SGCZ: variants seen among roughly 807,000 people sequenced by gnomAD.
SGCZ encodes the protein sarcoglycan zeta.
SGCZ carries 40 observed loss-of-function variants against 41.3 expected under a neutral mutation model. The observed-to-expected ratio is 0.97, with a 90% CI of 0.75 to 1.26. SGCZ has a LOEUF of 1.26. SGCZ is among the 50% of genes most tolerant of loss of function. The pLI is 0.00. For missense variants in SGCZ, 552 were observed against 369.8 expected, an observed-to-expected ratio of 1.49 and a Z score of -4.04; for synonymous variants, 206 against 137.5, an observed-to-expected ratio of 1.50 and a Z score of -3.49.
intron 1 of SGCZ, among the ~76,000 whole-genome samples, chr8:14,926,506 T>C (rs1267848931): frequency 6.6e-6 from 1 of 152,138 alleles, no homozygotes; most frequent in Non-Finnish European, 1.5e-5. Context: ...CTCCTCTTTG[T>C]TCTAAACAAA....
At chr8:14,339,507 A>G (rs967893427) in intron 2 of SGCZ, among the ~76,000 whole-genome samples, 2 of 152,160 alleles carry the variant, frequency 1.3e-5, no homozygotes, top group African/African-American at 4.8e-5. Context: ...AAAATTCAGA[A>G]TCATCGTCAA....
intron 3 of SGCZ, among the ~76,000 whole-genome samples, chr8:14,284,292 C>G (rs1800545535): frequency 6.6e-6 from 1 of 152,140 alleles, no homozygotes; most frequent in Non-Finnish European, 1.5e-5. Context: ...ACTCAGGAGG[C>G]TGAGGTGGGA....
rs78110824 is a variant in SGCZ, at chr8:14,593,357, G to C, written c.40-38431C>G. On this transcript the variant is annotated intron_variant, in intron 1 of 7. Transcript: ENST00000382080. ...ACTTTAGAAGCTGAAAAAGGACATG[G>C]ATTCTCCCCTTGACCCTCCAGCAGA... Among the ~76,000 whole-genome samples, 653 of 152,186 alleles carry C rather than the reference G, an allele frequency of 4.3e-3. 4 individuals are homozygous for C. The highest frequency in any genetic ancestry group is 0.015 in the African/African-American group (630 of 41,536).
chr8:14,947,301 G>T (rs1317624532), intron 1 of SGCZ, among the ~76,000 whole-genome samples: 1 of 152,196 alleles, frequency 6.6e-6, no homozygotes. Context: ...TCTGGATTTG[G>T]TTGGATGGCA....
rs559945580 is a variant in SGCZ at position 14,619,258 on chromosome 8, C to G, written c.40-64332G>C. On this transcript the variant is annotated intron_variant, in intron 1 of 7. Coordinates refer to ENST00000382080, the MANE Select transcript of SGCZ (RefSeq NM_139167.4). The stretch of plus-strand genomic sequence containing the variant: ...TTCAACAACCTTCATGCTAAAAACT[C>G]TCAATAAATTAGGTATTGATGGGAT... Among the ~76,000 whole-genome samples, 9 of 152,134 alleles carry G rather than the reference C, an allele frequency of 5.9e-5. No individual in the cohort carries two copies. The South Asian group carries it at 1.0e-3, about 18-fold the overall frequency.
chr8:14,266,773 T>C (rs1318439912), intron 3 of SGCZ, among the ~76,000 whole-genome samples: 1 of 151,976 alleles, frequency 6.6e-6, no homozygotes, highest in Non-Finnish European at 1.5e-5. Flanking sequence ...AATGCCTAAG[T>C]AGATGAGGTA....
chr8:14,983,479 G>C (rs569455896), intron 1 of SGCZ, among the ~76,000 whole-genome samples: 2 of 151,960 alleles, frequency 1.3e-5, no homozygotes, highest in African/African-American at 2.4e-5. Flanking sequence ...TCCTGGGCTT[G>C]AGTGGTCCTC....
At chr8:14,977,847 C>A (rs1801530192) in intron 1 of SGCZ, among the ~76,000 whole-genome samples, 1 of 151,302 alleles carries the variant, frequency 6.6e-6, no homozygotes, top group African/African-American at 2.4e-5. Flanking sequence ...ATATCATGAA[C>A]TAGTTATCAG....
chr8:14,295,416 A>ATAT (rs1186917220), intron 3 of SGCZ, among the ~76,000 whole-genome samples: 1 of 152,164 alleles, frequency 6.6e-6, no homozygotes, highest in African/African-American at 2.4e-5. Flanking sequence ...AAGTAATGGT[A>ATAT]CATCAATGTC....
At chr8:15,173,783 A>G (rs1318446235) in intron 1 of SGCZ, among the ~76,000 whole-genome samples, 1 of 152,170 alleles carries the variant, frequency 6.6e-6, no homozygotes, top group South Asian at 2.1e-4. Flanking sequence ...GACACCACCC[A>G]GGCTGAAATG....
intron 4 of SGCZ, among the ~76,000 whole-genome samples, 180 bp downstream of exon 4, chr8:14,237,412 G>C (rs1229612017): frequency 2.6e-5 from 4 of 151,862 alleles, no homozygotes; most frequent in African/African-American, 9.7e-5. Flanking sequence ...CCGATTGCTT[G>C]ACCTCGTGAT....
chr8:14,900,130 A>G (rs542280816), intron 1 of SGCZ, among the ~76,000 whole-genome samples: 1 of 152,276 alleles, frequency 6.6e-6, no homozygotes, highest in Non-Finnish European at 1.5e-5. Context: ...TAACAATTTT[A>G]TCAGTATAAA....
intron 1 of SGCZ, among the ~76,000 whole-genome samples, chr8:14,785,816 G>T (rs868288766): frequency 1.3e-5 from 2 of 151,742 alleles, no homozygotes; most frequent in African/African-American, 4.8e-5. Context: ...TAGGATTGTG[G>T]TTCTCATATT....
In SGCZ at chr8:14,436,962, T is replaced by C. The variant is rs568232321; in HGVS notation, c.235-112758A>G. On this transcript the variant is annotated intron_variant, in intron 2 of 7. Transcript: ENST00000382080. ...AACTGGCAGTATTTGTTGATGAAGA[T>C]GAAAATCCAAACTTTTAAGCAAAAG... Among the ~76,000 whole-genome samples, 163 of 152,294 alleles carry C rather than the reference T, an allele frequency of 1.1e-3. 1 individual carries two copies. The highest frequency in any genetic ancestry group is 3.8e-3 in the African/African-American group (157 of 41,572).
intron 2 of SGCZ, among the ~76,000 whole-genome samples, chr8:14,521,010 T>A (rs1802772645): frequency 6.6e-6 from 1 of 152,094 alleles, no homozygotes; most frequent in South Asian, 2.1e-4. Context: ...TTTGAAATTA[T>A]TTTAGATTCC....
intron 2 of SGCZ, among the ~76,000 whole-genome samples, chr8:14,425,964 C>T (rs1039500935): frequency 6.6e-6 from 1 of 152,060 alleles, no homozygotes; most frequent in Non-Finnish European, 1.5e-5. Context: ...ATGTATTCCA[C>T]AATTTTAAAG....
intron 1 of SGCZ, among the ~76,000 whole-genome samples, chr8:14,718,720 C>T (rs1809779412): frequency 6.6e-6 from 1 of 151,570 alleles, no homozygotes; most frequent in Non-Finnish European, 1.5e-5. Context: ...TTAATGCCAC[C>T]CTGATCCATA....
intron 4 of SGCZ, among the ~76,000 whole-genome samples, chr8:14,194,189 T>C (rs922662432): frequency 4.6e-5 from 7 of 151,936 alleles, no homozygotes; most frequent in Non-Finnish European, 1.0e-4. Flanking sequence ...AAAAGGTAAA[T>C]ATTATCTTAG....
intron 2 of SGCZ, among the ~76,000 whole-genome samples, chr8:14,387,623 A>C (rs1804621708): frequency 6.6e-6 from 1 of 152,200 alleles, no homozygotes; most frequent in South Asian, 2.1e-4. Flanking sequence ...TTAAATGAAT[A>C]TTTGCAATTT....
Sources: gnomAD v4.1 joint callset for allele counts (sites outside exome capture counted in the v4.1 genomes callset) on GRCh38, gnomAD v4.1.1 for gene constraint, MANE v1.5 for transcripts, NCBI Gene and HGNC (gene_info 2026-07-23, HGNC 2026-07-21) for gene names.